The following TUSC3 variants were observed in gnomAD, a reference collection of about 807,000 sequenced individuals.
The protein encoded by TUSC3 is dolichyl-diphosphooligosaccharide--protein glycosyltransferase subunit TUSC3.
TUSC3 carries 45 observed loss-of-function variants against 44.8 expected under a neutral mutation model. The ratio of observed to expected loss-of-function variants is 1.00; its 90% CI spans 0.79 to 1.29. TUSC3 has a LOEUF of 1.29. TUSC3 is among the 50% of genes most tolerant of loss of function. The pLI is 0.00. For synonymous variants in TUSC3, 212 were observed against 152.9 expected, an observed-to-expected ratio of 1.39 and a Z score of -2.85; for missense variants, 519 against 437.9, an observed-to-expected ratio of 1.19 and a Z score of -1.65.
the TUSC3 span, among the ~76,000 whole-genome samples, chr8:15,780,903 G>A: frequency 3.3e-5 from 5 of 152,276 alleles, no homozygotes; most frequent in African/African-American, 1.2e-4. Flanking sequence ...ATTTCCAAAG[G>A]CTGTATCCTT....
chr8:15,549,685 T>G (rs529702550), intron 1 of TUSC3, among the ~76,000 whole-genome samples: 1 of 151,674 alleles, frequency 6.6e-6, no homozygotes, highest in African/African-American at 2.4e-5. Context: ...TTGGTCCATG[T>G]TTTTTAGAAT....
intron 1 of TUSC3, among the ~76,000 whole-genome samples, chr8:15,575,876 T>C (rs1040671896): frequency 5.3e-5 from 8 of 152,140 alleles, no homozygotes; most frequent in Middle Eastern, 3.2e-3. Context: ...ATTGCTTCCA[T>C]GCCCAAGATT....
chr8:15,593,590 A>T (rs1170944837), intron 1 of TUSC3, among the ~76,000 whole-genome samples: 1 of 152,100 alleles, frequency 6.6e-6, no homozygotes, highest in South Asian at 2.1e-4. Context: ...GTTATTTGCC[A>T]TGTATTGTCA....
At chr8:15,444,242 G>T (rs1800061301) in intron 1 of TUSC3, among the ~76,000 whole-genome samples, 1 of 152,170 alleles carries the variant, frequency 6.6e-6, no homozygotes, top group African/African-American at 2.4e-5. Context: ...CCTTCATGCT[G>T]TTAAAGACAA....
chr8:15,537,571 A>C (rs1458762287), upstream of TUSC3, among the ~76,000 whole-genome samples: 1 of 152,226 alleles, frequency 6.6e-6, no homozygotes, highest in Non-Finnish European at 1.5e-5. Context: ...GGGTCAACTG[A>C]TAATGACATC....
chr8:15,496,154 C>A (rs1800877540), intron 2 of TUSC3, among the ~76,000 whole-genome samples: 1 of 152,154 alleles, frequency 6.6e-6, no homozygotes, highest in African/African-American at 2.4e-5. Flanking sequence ...TTCTATACGT[C>A]CTTGATAAAT....
the TUSC3 span, among the ~76,000 whole-genome samples, chr8:15,820,068 C>A: frequency 2.0e-5 from 3 of 152,112 alleles, no homozygotes. Flanking sequence ...TTATGAATTG[C>A]TGTTCAATAT....
At chr8:15,569,112 A>T (rs1380284310) in intron 1 of TUSC3, among the ~76,000 whole-genome samples, 1 of 152,146 alleles carries the variant, frequency 6.6e-6, no homozygotes, top group Non-Finnish European at 1.5e-5. Context: ...AGTTTCCTTT[A>T]TTACTGTATG....
At chr8:15,508,466 T>C (rs1801088400) in intron 2 of TUSC3, among the ~76,000 whole-genome samples, 1 of 134,926 alleles carries the variant, frequency 7.4e-6, no homozygotes, top group South Asian at 2.5e-4. Context: ...CCTTTTTTTT[T>C]TTTTTTTTTT....
At chr8:15,554,399 C>G (rs1035068247) in intron 1 of TUSC3, among the ~76,000 whole-genome samples, 3 of 151,506 alleles carry the variant, frequency 2.0e-5, no homozygotes, top group African/African-American at 7.3e-5. Context: ...CTTGTGCTGA[C>G]TGGGAATGTT....
At chr8:15,741,823 T>C (rs929332146) in intron 7 of TUSC3, among the ~76,000 whole-genome samples, 6 of 152,002 alleles carry the variant, frequency 3.9e-5, no homozygotes, top group Non-Finnish European at 2.9e-5. Context: ...GCAGAAAAAA[T>C]GATTAAAGGG....
rs556559563 is a variant in TUSC3, at chr8:15,546,247, G to A, written c.138+5679G>A. On this transcript the variant is annotated intron_variant, in intron 1 of 10. Transcript: ENST00000503731. ...AAAGGGAACTCTTGATCCTTCCTTC[G>A]CCACATCTGGCCCATGTGTTTTCTC... Among the ~76,000 whole-genome samples the A allele has an allele frequency of 3.0e-4, 46 of 151,678 alleles. 2 individuals are homozygous for A. The highest frequency in any genetic ancestry group is 5.7e-4 in the Non-Finnish European group (39 of 67,900).
At chr8:15,653,583 A>G (rs981990027) in intron 3 of TUSC3, among the ~76,000 whole-genome samples, 1 of 152,198 alleles carries the variant, frequency 6.6e-6, no homozygotes, top group African/African-American at 2.4e-5. Flanking sequence ...ATTCAGCAGG[A>G]ATCCTGGTGT....
At chr8:15,546,737 G>A (rs142642576) in intron 1 of TUSC3, among the ~76,000 whole-genome samples, 1,520 of 151,650 alleles carry the variant, frequency 0.01, 54 homozygotes, top group Middle Eastern at 0.027. Context: ...GTTTCTCCAT[G>A]TTGGTCAGGC....
At chr8:15,513,039 A>G (rs944452746) in intron 2 of TUSC3, among the ~76,000 whole-genome samples, 2 of 149,388 alleles carry the variant, frequency 1.3e-5, no homozygotes, top group African/African-American at 5.0e-5. Context: ...GTTTAACCCC[A>G]TATATTCAAG....
At chr8:15,503,278 C>T (rs1347520305) in intron 2 of TUSC3, among the ~76,000 whole-genome samples, 2 of 152,128 alleles carry the variant, frequency 1.3e-5, no homozygotes, top group Admixed American at 6.5e-5. Context: ...AGGAGAGAGG[C>T]CTCAGAAGAA....
At chr8:15,446,304 C>T (rs906973186) in intron 1 of TUSC3, among the ~76,000 whole-genome samples, 3 of 152,008 alleles carry the variant, frequency 2.0e-5, no homozygotes, top group Non-Finnish European at 2.9e-5. Context: ...GGCAGAGATG[C>T]TCCTTACTTC....
intron 1 of TUSC3, among the ~76,000 whole-genome samples, chr8:15,563,610 G>A (rs968351727): frequency 6.7e-6 from 1 of 149,642 alleles, no homozygotes; most frequent in East Asian, 2.0e-4. Context: ...TGCTTGAACC[G>A]GGGAGGCAGA....
At chr8:15,644,582 T>G (rs2129173016) in intron 2 of TUSC3, among the ~76,000 whole-genome samples, 1 of 152,252 alleles carries the variant, frequency 6.6e-6, no homozygotes, top group East Asian at 1.9e-4. Flanking sequence ...TATCTGTCAT[T>G]AGTTAGGTTT....
Sources: gnomAD v4.1 joint callset for allele counts (sites outside exome capture counted in the v4.1 genomes callset) on GRCh38, gnomAD v4.1.1 for gene constraint, MANE v1.5 for transcripts, NCBI Gene and HGNC (gene_info 2026-07-23, HGNC 2026-07-21) for gene names.